TMEM132C: variants seen among roughly 807,000 people sequenced by gnomAD.
TMEM132C encodes the protein transmembrane protein 132C, also known as protein phosphatase 1, regulatory subunit 152.
In TMEM132C, 29 loss-of-function variants were observed where a neutral mutation model predicts 61.4. The observed-to-expected ratio is 0.47, with a 90% CI of 0.35 to 0.64. The LOEUF is 0.64. Ranked by LOEUF, TMEM132C falls within the 30% of genes least tolerant of loss-of-function variation. The pLI is 0.00. For synonymous variants in TMEM132C, 656 were observed against 633.1 expected (o/e 1.04, Z -0.54); for missense variants, 1,408 against 1,476.9 (o/e 0.95, Z 0.76).
intron 1 of TMEM132C, among the ~76,000 whole-genome samples, chr12:128,331,891 G>C (rs1872673591): frequency 1.3e-5 from 2 of 152,170 alleles, no homozygotes; most frequent in Non-Finnish European, 2.9e-5. Flanking sequence ...AGTTGTGGTT[G>C]AATCCATTAA....
chr12:128,267,215 CGCCAGA>C lies in TMEM132C; in HGVS notation c.-178_-173del, dbSNP rs1009886818. On this transcript the variant is annotated 5_prime_UTR_variant, in exon 1 of 9. Transcript: ENST00000435159. ...GCGCGAGCAGCGGCGGAGCCGGAGC[CGCCAGA>C]GCCAGAGCCGGAGCTGCGGCGGCGT... 2.7e-5 allele frequency among the ~76,000 whole-genome samples: 4 copies of C among 146,910 alleles called. No homozygotes were observed. Among genetic ancestry groups the C allele is most frequent in the Admixed American group, 6.8e-5 (1 of 14,808 alleles).
Position 128,379,360 on chromosome 12 carries a change from G to A in TMEM132C, c.86-35372G>A, listed in dbSNP as rs146216934. On this transcript the variant is annotated intron_variant, in intron 1 of 8. Transcript: ENST00000435159. ...TTGGTCAATCAGCCCACACAGTTTG[G>A]AGGATTCTGCCTGGTTTGTCTCAGC... Among the ~76,000 whole-genome samples the A allele has an allele frequency of 1.5e-3, 231 of 152,344 alleles. 1 individual carries two copies. Among genetic ancestry groups the A allele is most frequent in the South Asian group, 2.5e-3 (12 of 4,822 alleles).
At chr12:128,554,117 A>T (rs937014461) in intron 3 of TMEM132C, among the ~76,000 whole-genome samples, 15 of 152,392 alleles carry the variant, frequency 9.8e-5, no homozygotes, top group African/African-American at 3.6e-4. Context: ...ATACTTCATC[A>T]GTCCCCTAGA....
intron 1 of TMEM132C, among the ~76,000 whole-genome samples, chr12:128,398,375 T>A (rs1440878711): frequency 6.6e-6 from 1 of 152,210 alleles, no homozygotes; most frequent in Non-Finnish European, 1.5e-5. Context: ...AAAATGGAGC[T>A]GGAGTGAGTT....
chr12:128,609,175 A>G (rs5029027), intron 3 of TMEM132C, among the ~76,000 whole-genome samples: 17,690 of 44,830 alleles, frequency 0.39, 2,764 homozygotes, highest in Middle Eastern at 0.45. Context: ...TGTAACCCCC[A>G]CCTCCCTGCA....
chr12:128,395,700 T>C (rs995508438), intron 1 of TMEM132C, among the ~76,000 whole-genome samples: 25 of 152,132 alleles, frequency 1.6e-4, no homozygotes, highest in Non-Finnish European at 3.1e-4. Context: ...AAAAGCAAAA[T>C]GGTTGCATGA....
intron 2 of TMEM132C, among the ~76,000 whole-genome samples, chr12:128,432,599 A>G (rs1869428880): frequency 6.6e-6 from 1 of 152,226 alleles, no homozygotes; most frequent in South Asian, 2.1e-4. Flanking sequence ...GATGTGACTG[A>G]ATTGCTGCAA....
intron 1 of TMEM132C, among the ~76,000 whole-genome samples, chr12:128,322,666 G>A (rs1872373048): frequency 6.6e-6 from 1 of 152,210 alleles, no homozygotes; most frequent in African/African-American, 2.4e-5. Flanking sequence ...GTAACCAACA[G>A]AAATAGGTCT....
At chr12:128,280,960 T>A (rs1266098219) in intron 1 of TMEM132C, among the ~76,000 whole-genome samples, 1 of 152,122 alleles carries the variant, frequency 6.6e-6, no homozygotes, top group Non-Finnish European at 1.5e-5. Flanking sequence ...GTGGGTGTTG[T>A]TACCCACATT....
At chr12:128,503,636 T>C (rs1451799499) in intron 2 of TMEM132C, among the ~76,000 whole-genome samples, 1 of 152,242 alleles carries the variant, frequency 6.6e-6, no homozygotes, top group East Asian at 1.9e-4. Context: ...ATAGTTACCA[T>C]GTGCTGTCTG....
chr12:128,478,303 T>A (rs922833309), intron 2 of TMEM132C, among the ~76,000 whole-genome samples: 2 of 152,254 alleles, frequency 1.3e-5, no homozygotes, highest in African/African-American at 4.8e-5. Flanking sequence ...TATTTTTTTA[T>A]TTTTTCAATC....
intron 1 of TMEM132C, among the ~76,000 whole-genome samples, chr12:128,301,840 C>A (rs1279736199): frequency 6.6e-6 from 1 of 152,168 alleles, no homozygotes; most frequent in Non-Finnish European, 1.5e-5. Flanking sequence ...AATGGACTCG[C>A]AGTTCCATGT....
chr12:128,444,942 G>C (rs765313779), intron 2 of TMEM132C, among the ~76,000 whole-genome samples: 10 of 152,178 alleles, frequency 6.6e-5, no homozygotes, highest in Non-Finnish European at 1.3e-4. Flanking sequence ...AGACTAAAAG[G>C]AAGGTGTTTG....
At position 128,286,062 on chromosome 12, in the gene TMEM132C, C is replaced by CCT. The variant is rs138264526; in HGVS notation, c.85+18595_85+18596dup. 8.5e-3 allele frequency among the ~76,000 whole-genome samples: 781 copies of CCT among 92,296 alleles called. 36 individuals carry two copies. Among genetic ancestry groups the CCT allele is most frequent in the Admixed American group, 0.028 (252 of 8,918 alleles). 60.5% of individuals were successfully genotyped at this position (92,296 alleles called of 152,430 possible). A position where few individuals can be genotyped will look rare whatever the true frequency, so the allele number is the denominator to read the frequency against. On this transcript the variant is annotated intron_variant, in intron 1 of 8. Coordinates refer to ENST00000435159, the MANE Select transcript of TMEM132C (RefSeq NM_001136103.3). Reference sequence around the variant, plus strand: ...CCCCACCTCTATCCCTCTCTCCCTTCCTCTCTCTCTCTCTCTCTCTCCCCA... The same window carrying CCT: ...CCCCACCTCTATCCCTCTCTCCCTTCCTCTCTCTCTCTCTCTCTCTCTCCCCA...
At chr12:128,313,803 G>C (rs1872056098) in intron 1 of TMEM132C, among the ~76,000 whole-genome samples, 1 of 152,238 alleles carries the variant, frequency 6.6e-6, no homozygotes, top group African/African-American at 2.4e-5. Context: ...GACGCTGTGG[G>C]CAGAATTACA....
At chr12:128,314,821 C>T (rs2135929681) in intron 1 of TMEM132C, among the ~76,000 whole-genome samples, 1 of 152,234 alleles carries the variant, frequency 6.6e-6, no homozygotes, top group East Asian at 1.9e-4. Context: ...GCCTCCAGAA[C>T]TGTCTGAGAA....
intron 1 of TMEM132C, among the ~76,000 whole-genome samples, chr12:128,311,358 A>G (rs1871957637): frequency 1.3e-5 from 2 of 152,162 alleles, no homozygotes; most frequent in African/African-American, 2.4e-5. Context: ...TAATTATGGA[A>G]TTGTGAAGTG....
At chr12:128,397,292 GAA>G (rs1324607308) in intron 1 of TMEM132C, among the ~76,000 whole-genome samples, 1 of 152,240 alleles carries the variant, frequency 6.6e-6, no homozygotes, top group Non-Finnish European at 1.5e-5. Flanking sequence ...AGAGGGGAGA[GAA>G]AGGTCTGGTT....
chr12:128,597,717 A>G (rs958386173), intron 3 of TMEM132C, among the ~76,000 whole-genome samples: 5 of 152,250 alleles, frequency 3.3e-5, no homozygotes, highest in African/African-American at 1.2e-4. Context: ...TAGAAAATGA[A>G]CAAAGGAAAA....
Sources: gnomAD v4.1 joint callset for allele counts (sites outside exome capture counted in the v4.1 genomes callset) on GRCh38, gnomAD v4.1.1 for gene constraint, MANE v1.5 for transcripts, NCBI Gene and HGNC (gene_info 2026-07-23, HGNC 2026-07-21) for gene names.